Variants in SLC25A53 observed in about 807,000 individuals in gnomAD.
SLC25A53 encodes mitochondrial carrier triple repeat protein 6.
Under a neutral mutation model 15.0 loss-of-function variants are expected in SLC25A53, and 5 were observed. The ratio of observed to expected loss-of-function variants is 0.33; its 90% CI spans 0.17 to 0.70. SLC25A53 has a LOEUF of 0.70. Among genes scored for constraint, SLC25A53 ranks in the 30% least tolerant of loss-of-function variants. The pLI, the probability that SLC25A53 is intolerant of heterozygous loss-of-function variation, is 0.67. For missense variants in SLC25A53, 216 were observed against 241.6 expected (o/e 0.89, Z 0.70); for synonymous variants, 95 against 100.0 (o/e 0.95, Z 0.30).
intron 1 of SLC25A53, among the ~76,000 whole-genome samples, chrX:104,136,687 AG>A (rs1462595620): frequency 5.3e-5 from 6 of 112,434 alleles, no homozygotes; most frequent in African/African-American, 1.3e-4. Flanking sequence ...AAATTCTAGA[AG>A]GGAACAGCCT....
intron 1 of SLC25A53, among the ~76,000 whole-genome samples, chrX:104,127,587 A>G (rs2075414311): frequency 8.9e-6 from 1 of 111,993 alleles, no homozygotes; most frequent in Non-Finnish European, 1.9e-5. Flanking sequence ...CCGTTAGAGG[A>G]AGCGTGGTTT....
intron 1 of SLC25A53, among the ~76,000 whole-genome samples, chrX:104,124,045 C>T (rs973245228): frequency 9.0e-6 from 1 of 111,595 alleles, no homozygotes; most frequent in South Asian, 3.8e-4. Flanking sequence ...GTCTTTATAG[C>T]AGAATGATGT....
At chrX:104,152,786 T>C in intron 1 of SLC25A53, among the ~76,000 whole-genome samples, 1 of 112,064 alleles carries the variant, frequency 8.9e-6, no homozygotes, top group Admixed American at 9.5e-5. Context: ...TCTAGCACCT[T>C]GCTGGCCCCT....
At chrX:104,113,812 A>T (rs2075361706) in intron 1 of SLC25A53, 1 of 274,195 alleles carries the variant, frequency 3.6e-6, no homozygotes, top group African/African-American at 2.8e-5. Flanking sequence ...ACTACCTACT[A>T]GCCCAGGGAC....
intron 1 of SLC25A53, among the ~76,000 whole-genome samples, chrX:104,120,303 G>T (rs189114430): frequency 2.7e-5 from 3 of 111,587 alleles, no homozygotes; most frequent in Admixed American, 9.5e-5. Flanking sequence ...GTATATCAAA[G>T]TTGTACCAAT....
chrX:104,148,797 C>T (rs965576632), intron 1 of SLC25A53, among the ~76,000 whole-genome samples: 7 of 111,406 alleles, frequency 6.3e-5, no homozygotes, highest in Admixed American at 1.9e-4. Context: ...CAAACCTGCA[C>T]GTTGTGCACA....
At chrX:104,123,720 AC>A (rs1480248406) in intron 1 of SLC25A53, among the ~76,000 whole-genome samples, 5 of 109,281 alleles carry the variant, frequency 4.6e-5, no homozygotes, top group Non-Finnish European at 9.5e-5. Context: ...CTAGCCCCCT[AC>A]CCCTCAACAG....
At chrX:104,112,578 G>A (rs1377739484) in intron 1 of SLC25A53, 4 of 113,864 alleles carry the variant, frequency 3.5e-5, no homozygotes, top group Non-Finnish European at 3.7e-5. Context: ...CCGGAGGGCC[G>A]AACTGGAGGG....
At chrX:104,113,333 G>A (rs1326787699) in intron 1 of SLC25A53, 1 of 111,171 alleles carries the variant, frequency 9.0e-6, no homozygotes, top group Non-Finnish European at 1.9e-5. Flanking sequence ...AGATGGGAGA[G>A]GGAATTTTCC....
chrX:104,153,542 A>G (rs1446114809), intron 1 of SLC25A53, among the ~76,000 whole-genome samples: 5 of 111,819 alleles, frequency 4.5e-5, no homozygotes, highest in Admixed American at 2.8e-4. Flanking sequence ...TTGTCTGTCA[A>G]TTAGCTTGTC....
intron 1 of SLC25A53, among the ~76,000 whole-genome samples, chrX:104,109,131 G>A (rs1317773891): frequency 8.9e-6 from 1 of 111,879 alleles, no homozygotes; most frequent in Non-Finnish European, 1.9e-5. Context: ...CTAGGCTGAG[G>A]AAGTGGCCTA....
intron 1 of SLC25A53, among the ~76,000 whole-genome samples, chrX:104,117,173 C>A (rs1199121478): frequency 1.9e-5 from 2 of 104,877 alleles, no homozygotes; most frequent in East Asian, 6.3e-4. Context: ...CATATCCCCA[C>A]AATCTCATTC....
At chrX:104,155,485 T>A (rs1215970807) in intron 1 of SLC25A53, among the ~76,000 whole-genome samples, 1 of 111,400 alleles carries the variant, frequency 9.0e-6, no homozygotes, top group Admixed American at 9.6e-5. Context: ...ACAGGAAAGT[T>A]TGAGAGCCAC....
intron 1 of SLC25A53, among the ~76,000 whole-genome samples, chrX:104,127,421 T>C (rs1204981444): frequency 9.0e-6 from 1 of 111,510 alleles, no homozygotes; most frequent in Non-Finnish European, 1.9e-5. Flanking sequence ...ACTGTGGTGG[T>C]TGTTAAACAA....
intron 1 of SLC25A53, among the ~76,000 whole-genome samples, chrX:104,155,140 T>G (rs2075496559): frequency 9.0e-6 from 1 of 110,644 alleles, no homozygotes; most frequent in Admixed American, 9.6e-5. Context: ...GGAGTGTGCC[T>G]AGCCTTCCCT....
intron 1 of SLC25A53, among the ~76,000 whole-genome samples, chrX:104,134,632 G>C (rs2075432539): frequency 9.0e-6 from 1 of 111,516 alleles, no homozygotes; most frequent in South Asian, 3.8e-4. Flanking sequence ...TGAGAATTAA[G>C]ATCATTCACG....
intron 1 of SLC25A53, among the ~76,000 whole-genome samples, chrX:104,120,924 T>C (rs781819094): frequency 5.3e-5 from 6 of 112,716 alleles, no homozygotes; most frequent in Non-Finnish European, 9.4e-5. Context: ...CTATTATATA[T>C]GCTTTTTTCT....
At chrX:104,117,876 C>T (rs947769172) in intron 1 of SLC25A53, among the ~76,000 whole-genome samples, 2 of 112,248 alleles carry the variant, frequency 1.8e-5, no homozygotes, top group Non-Finnish European at 3.8e-5. Context: ...AAATGCTACA[C>T]CTACCCCCAT....
intron 1 of SLC25A53, chrX:104,113,749 G>A (rs1305284149): frequency 5.5e-6 from 1 of 183,178 alleles, no homozygotes. Context: ...AGAAGCAACA[G>A]TTGTCGCCCC....
Sources: allele counts gnomAD v4.1 joint callset (sites outside exome capture counted in the v4.1 genomes callset), GRCh38; gene constraint gnomAD v4.1.1; transcripts MANE v1.5; gene names NCBI Gene and HGNC (gene_info 2026-07-23, HGNC 2026-07-21).